CELSR1: variants seen among roughly 807,000 people sequenced by gnomAD.
CELSR1 encodes the protein cadherin EGF LAG seven-pass G-type receptor 1.
In CELSR1, 110 loss-of-function variants were observed where a neutral mutation model predicts 249.1. The ratio of observed to expected loss-of-function variants is 0.44; its 90% CI spans 0.38 to 0.52. The LOEUF (loss-of-function observed/expected upper bound fraction) is 0.52. Among genes scored for constraint, CELSR1 ranks in the 20% least tolerant of loss-of-function variants. The probability of loss-of-function intolerance (pLI) is 0.00; values close to 1 mark genes in which losing one functional copy is unlikely to be tolerated. For missense variants in CELSR1, 4,109 were observed against 4,296.4 expected, an observed-to-expected ratio of 0.96 and a Z score of 1.22; for synonymous variants, 2,113 against 1,900.0, an observed-to-expected ratio of 1.11 and a Z score of -2.92.
intron 2 of CELSR1, among the ~76,000 whole-genome samples, chr22:46,439,667 A>C (rs2079718736): frequency 6.6e-6 from 1 of 151,932 alleles, no homozygotes; most frequent in African/African-American, 2.4e-5. Flanking sequence ...GGTTCCCAAA[A>C]AGCACTCTGT....
chr22:46,396,559 C>A lies in CELSR1; in HGVS notation c.5843+46G>T, dbSNP rs1330023422. ...AGACACTGAGTCGAGGGAACACAGC[C>A]ACATGGACTCTGAAGGTGCAGGGAG... On this transcript the variant is annotated intron_variant, in intron 13 of 34. Transcript: ENST00000674500. The surrounding 1 kb of genome is among the most constrained non-coding windows in gnomAD (Gnocchi z 6.4). The A allele has an allele frequency of 1.3e-6, 2 of 1,490,236 alleles. No individual in the cohort carries two copies. 92.3% of individuals were successfully genotyped at this position (1,490,236 alleles called of 1,614,324 possible).
chr22:46,386,761 G>T (rs113331774), intron 18 of CELSR1, among the ~76,000 whole-genome samples, 176 bp from the exon 19 acceptor site: 3 of 150,830 alleles, frequency 2.0e-5, no homozygotes, highest in Middle Eastern at 3.4e-3. Context: ...TGTTTTTTGT[G>T]TTTTTTTTTG....
At position 46,411,597 on chromosome 22, in the gene CELSR1, C is replaced by T. The variant is rs1405549109; in HGVS notation, c.4769+5G>A. 1.2e-6 allele frequency: 2 copies of T among 1,613,936 alleles called. No individual in the cohort carries two copies. The highest frequency in any genetic ancestry group is 1.7e-6 in the Non-Finnish European group (2 of 1,180,006). On this transcript the variant is annotated splice_donor_5th_base_variant and intron_variant, in intron 6 of 34. Transcript: ENST00000674500. This position sits in a 1 kb window ranked among gnomAD's most constrained non-coding sequence, Gnocchi z 4.2. ...CCCCAGGGCCTCCCCTCCTGGGATG[C>T]TCACTTCTTGGAGCCGGTCTGAGTG...
Position 46,439,274 on chromosome 22 carries a change from C to T in CELSR1, c.4321G>A (p.Glu1441Lys), listed in dbSNP as rs1199638657. Residue 1441 changes from glutamate to lysine, a missense_variant, in exon 3 of 35, where the codon GAG becomes AAG. Physicochemically the swap from Glu to Lys is moderately conservative, Grantham distance 56 (BLOSUM62 1). Coordinates refer to ENST00000674500, the MANE Select transcript of CELSR1 (RefSeq NM_001378328.1). ...GGCGGGAAGCTCCTGGTGGTCACCT[C>T]ACAGTAGGGCCTCTCATACTCGCCA... ...PPGEYERPYC[E>K]VTTRSFPPQS... The T allele has an allele frequency of 1.2e-6, 2 of 1,613,964 alleles. No homozygotes were observed. Among genetic ancestry groups the T allele is most frequent in the Admixed American group, 1.7e-5 (1 of 60,010 alleles).
intron 5 of CELSR1, among the ~76,000 whole-genome samples, chr22:46,425,931 C>G (rs1602118930): frequency 6.6e-6 from 1 of 152,272 alleles, no homozygotes; most frequent in Admixed American, 6.5e-5. Flanking sequence ...CCTCTCAGCA[C>G]TGCTTTAGCT....
At chr22:46,387,819 CAT>C (rs2079048341) in intron 18 of CELSR1, among the ~76,000 whole-genome samples, 1 of 152,150 alleles carries the variant, frequency 6.6e-6, no homozygotes, top group Non-Finnish European at 1.5e-5. Flanking sequence ...GCAGGGAAGA[CAT>C]GTGGCGATGC....
chr22:46,493,335 C>G (rs1208642767), intron 1 of CELSR1, among the ~76,000 whole-genome samples: 1 of 152,118 alleles, frequency 6.6e-6, no homozygotes, highest in Non-Finnish European at 1.5e-5. Flanking sequence ...CACCTGAGAT[C>G]AGGAGATCAA....
At position 46,408,723 on chromosome 22, in the gene CELSR1, G is replaced by A. The variant is rs923119201; in HGVS notation, c.5226+273C>T. Among the ~76,000 whole-genome samples, 2 of 152,196 alleles carry A rather than the reference G, an allele frequency of 1.3e-5. No individual in the cohort carries two copies. Among genetic ancestry groups the A allele is most frequent in the Non-Finnish European group, 2.9e-5 (2 of 68,018 alleles). On this transcript the variant is annotated intron_variant, in intron 9 of 34. Transcript: ENST00000674500. The surrounding 1 kb of genome is among the most constrained non-coding windows in gnomAD (Gnocchi z 4.6). Reference sequence around the variant, plus strand: ...TCAGTTCTGCAATGCCCACGCTCCAGCCAAACCCTCAGGCTAGAGGGAGAC... The same window carrying A: ...TCAGTTCTGCAATGCCCACGCTCCAACCAAACCCTCAGGCTAGAGGGAGAC...
At position 46,427,166 on chromosome 22, in the gene CELSR1, T is replaced by C. The variant is rs1401395969; in HGVS notation, c.4611+6227A>G. ...CCTAGCTCTGCCCAGTAAGAGAGACTGGGAGTGAGACACCCCAAAGCAATG... is the reference window on the plus strand; with the variant it reads ...CCTAGCTCTGCCCAGTAAGAGAGACCGGGAGTGAGACACCCCAAAGCAATG... On this transcript the variant is annotated intron_variant, in intron 5 of 34. Coordinates refer to ENST00000674500, the MANE Select transcript of CELSR1 (RefSeq NM_001378328.1). The surrounding 1 kb of genome is among the most constrained non-coding windows in gnomAD (Gnocchi z 4.2). 1.3e-5 allele frequency among the ~76,000 whole-genome samples: 2 copies of C among 152,168 alleles called. No homozygotes were observed. Among genetic ancestry groups the C allele is most frequent in the East Asian group, 3.8e-4 (2 of 5,200 alleles).
In CELSR1 at chr22:46,490,172, C is replaced by G. The variant is rs1481551088; in HGVS notation, c.3545-25827G>C. Among the ~76,000 whole-genome samples the G allele has an allele frequency of 6.6e-6, 1 of 152,216 alleles. No individual in the cohort carries two copies. Among genetic ancestry groups the G allele is most frequent in the East Asian group, 1.9e-4 (1 of 5,202 alleles). ...TGGAGTGCATGGGTCCTGCTCTCCT[C>G]CAGCCATAAGACACACTCAGACACA... is the stretch of plus-strand genomic sequence containing the variant. On this transcript the variant is annotated intron_variant, in intron 1 of 34. Coordinates refer to ENST00000674500, the MANE Select transcript of CELSR1 (RefSeq NM_001378328.1). This position sits in a 1 kb window ranked among gnomAD's most constrained non-coding sequence, Gnocchi z 5.2.
chr22:46,368,678 C>T (rs2078815452), intron 27 of CELSR1, among the ~76,000 whole-genome samples: 1 of 152,090 alleles, frequency 6.6e-6, no homozygotes, highest in East Asian at 1.9e-4. Context: ...TGAGTCCTCC[C>T]GCGGTGCCAC....
chr22:46,451,599 G>A (rs1461908549), intron 2 of CELSR1, among the ~76,000 whole-genome samples: 2 of 152,024 alleles, frequency 1.3e-5, no homozygotes, highest in Non-Finnish European at 2.9e-5. Flanking sequence ...GGGCCCAGGT[G>A]ACCCCAGCCT....
chr22:46,372,936 C>T lies in CELSR1; in HGVS notation c.7706G>A (p.Gly2569Glu), dbSNP rs772461038. The change falls in exon 25 of 35, where the codon GGG (glycine) becomes GAG (glutamate). Residue 2569 changes from glycine to glutamate, a missense_variant. By Grantham distance (98) the Gly-to-Glu change is moderately conservative. Coordinates refer to ENST00000674500, the MANE Select transcript of CELSR1 (RefSeq NM_001378328.1). ...CACGACGTAGTAGAACCGCATGGGC[C>T]CCGTGTCGATGTTGCGCACCTCGGT... ...MLTEVRNIDT[G>E]PMRFYYVVGW... 5 of 1,613,124 alleles carry T rather than the reference C, an allele frequency of 3.1e-6. No homozygotes were observed. Among genetic ancestry groups the T allele is most frequent in the African/African-American group, 1.3e-5 (1 of 74,934 alleles).
intron 2 of CELSR1, among the ~76,000 whole-genome samples, chr22:46,455,548 G>A (rs1368807481): frequency 6.6e-6 from 1 of 152,164 alleles, no homozygotes; most frequent in Non-Finnish European, 1.5e-5. Flanking sequence ...TGATCCGTTT[G>A]CCTCGCCCAC....
chr22:46,421,680 GCCC>G lies in CELSR1; in HGVS notation c.4612-9924_4612-9922del, dbSNP rs2079474413. 6.6e-5 allele frequency among the ~76,000 whole-genome samples: 10 copies of G among 152,352 alleles called. No individual in the cohort carries two copies. The South Asian group carries it at 2.1e-3, about 32-fold the overall frequency. ...TGAAGACCCCTCTATCGGCTTCTAT[GCCC>G]CCATCACTTGGGCTCAAGGAGGCAG... is the stretch of plus-strand genomic sequence containing the variant. On this transcript the variant is annotated intron_variant, in intron 5 of 34. Transcript: ENST00000674500.
chr22:46,511,649 C>A (rs1055233134), intron 1 of CELSR1, among the ~76,000 whole-genome samples: 2 of 152,206 alleles, frequency 1.3e-5, no homozygotes, highest in African/African-American at 2.4e-5. Context: ...AGCGCCAACA[C>A]CCCCACAATG....
At chr22:46,369,655 T>TG (rs745482869) in intron 26 of CELSR1, 37 bp downstream of exon 26, 1 of 1,587,050 alleles carries the variant, frequency 6.3e-7, no homozygotes, top group Non-Finnish European at 8.6e-7. Flanking sequence ...CATGCATGTT[T>TG]GGGGCACCCG....
In CELSR1 at chr22:46,423,532, G is replaced by C. The variant is rs551203300; in HGVS notation, c.4611+9861C>G. Among the ~76,000 whole-genome samples, 3 of 151,270 alleles carry C rather than the reference G, an allele frequency of 2.0e-5. No individual in the cohort carries two copies. Among genetic ancestry groups the C allele is most frequent in the South Asian group, 4.2e-4 (2 of 4,768 alleles). ...AGGCAGGAGAATTGCTTGAACCTGGGAGGCAGAGGTTGCGGTGAGCCGAGA... is the reference window on the plus strand; with the variant it reads ...AGGCAGGAGAATTGCTTGAACCTGGCAGGCAGAGGTTGCGGTGAGCCGAGA... On this transcript the variant is annotated intron_variant, in intron 5 of 34. Coordinates refer to ENST00000674500, the MANE Select transcript of CELSR1 (RefSeq NM_001378328.1). This position sits in a 1 kb window ranked among gnomAD's most constrained non-coding sequence, Gnocchi z 5.6.
intron 5 of CELSR1, among the ~76,000 whole-genome samples, chr22:46,424,234 ATTT>A (rs3056341): frequency 1.1e-3 from 160 of 148,218 alleles, no homozygotes; most frequent in Middle Eastern, 3.5e-3. Flanking sequence ...CACCCGGCTA[ATTT>A]TTTTTTTTTT....
Sources: allele counts gnomAD v4.1 joint callset (sites outside exome capture counted in the v4.1 genomes callset), GRCh38; gene constraint gnomAD v4.1.1; non-coding constraint Gnocchi (gnomAD v3.1); transcripts MANE v1.5; gene names NCBI Gene and HGNC (gene_info 2026-07-23, HGNC 2026-07-21).